CCSER1: variants seen among roughly 807,000 people sequenced by gnomAD.
The protein encoded by CCSER1 is coiled-coil serine rich protein 1.
CCSER1 carries 41 observed loss-of-function variants against 82.0 expected under a neutral mutation model. The ratio of observed to expected loss-of-function variants is 0.50; its 90% CI spans 0.39 to 0.65. The LOEUF is 0.65. Among genes scored for constraint, CCSER1 ranks in the 30% least tolerant of loss-of-function variants. CCSER1 has a pLI of 0.00. For synonymous variants in CCSER1, 414 were observed against 383.9 expected (o/e 1.08, Z -0.92); for missense variants, 1,119 against 1,064.2 (o/e 1.05, Z -0.72).
At chr4:90,482,065 T>C (rs1394589542) in intron 5 of CCSER1, among the ~76,000 whole-genome samples, 2 of 152,200 alleles carry the variant, frequency 1.3e-5, no homozygotes, top group East Asian at 1.9e-4. Context: ...TATTAGTCTA[T>C]TCAGAGATTC....
chr4:90,781,554 A>T, intron 7 of CCSER1: 1 of 979,140 alleles, frequency 1.0e-6, no homozygotes, highest in Non-Finnish European at 1.2e-6. Context: ...TAAAATATGA[A>T]ATACATAAAT....
At chr4:91,437,509 C>T (rs1236747620) in intron 10 of CCSER1, among the ~76,000 whole-genome samples, 1 of 152,206 alleles carries the variant, frequency 6.6e-6, no homozygotes, top group Admixed American at 6.5e-5. Flanking sequence ...GCCAAGATGG[C>T]CGAATAGGAA....
chr4:91,032,163 GTT>G (rs1390812775), intron 9 of CCSER1, among the ~76,000 whole-genome samples: 1 of 152,014 alleles, frequency 6.6e-6, no homozygotes, highest in Non-Finnish European at 1.5e-5. Context: ...ACTTCCATTA[GTT>G]CTCTTGCCTT....
chr4:91,028,427 T>G (rs1235253237), intron 9 of CCSER1, among the ~76,000 whole-genome samples: 1 of 151,970 alleles, frequency 6.6e-6, no homozygotes, highest in East Asian at 1.9e-4. Flanking sequence ...TGAATTAGCA[T>G]GTTTTACTAC....
chr4:90,511,428 G>A (rs2153617519), intron 5 of CCSER1, among the ~76,000 whole-genome samples: 1 of 152,186 alleles, frequency 6.6e-6, no homozygotes, highest in Non-Finnish European at 1.5e-5. Context: ...AAAAAAGAAA[G>A]AAGATAAAAA....
At chr4:90,779,344 T>G (rs1436778126) in intron 7 of CCSER1, among the ~76,000 whole-genome samples, 3 of 152,162 alleles carry the variant, frequency 2.0e-5, no homozygotes, top group Non-Finnish European at 4.4e-5. Flanking sequence ...ACATTACTTC[T>G]TCAAAAAAGA....
chr4:91,120,619 A>T (rs1581594715), intron 10 of CCSER1, among the ~76,000 whole-genome samples: 1 of 152,074 alleles, frequency 6.6e-6, no homozygotes, highest in East Asian at 1.9e-4. Context: ...TTCCTACTTA[A>T]TTCATGAGAG....
At chr4:90,853,407 T>G (rs1037711456) in intron 8 of CCSER1, among the ~76,000 whole-genome samples, 2 of 152,146 alleles carry the variant, frequency 1.3e-5, no homozygotes, top group Non-Finnish European at 2.9e-5. Context: ...TTTTAGTGAT[T>G]AATAAAAGTA....
At chr4:90,955,148 G>A (rs978082187) in intron 9 of CCSER1, among the ~76,000 whole-genome samples, 1 of 152,122 alleles carries the variant, frequency 6.6e-6, no homozygotes, top group Non-Finnish European at 1.5e-5. Flanking sequence ...TAAACTCAAG[G>A]AAGGCAGATT....
chr4:90,735,320 A>G (rs1263755354), intron 7 of CCSER1, among the ~76,000 whole-genome samples: 2 of 152,058 alleles, frequency 1.3e-5, no homozygotes, highest in African/African-American at 4.8e-5. Flanking sequence ...TTTGGTATCA[A>G]GGTAATATTG....
chr4:90,422,703 C>A (rs1368342672), intron 4 of CCSER1, among the ~76,000 whole-genome samples: 1 of 152,084 alleles, frequency 6.6e-6, no homozygotes, highest in African/African-American at 2.4e-5. Context: ...GATTCTTAAC[C>A]AAATTACCTA....
At chr4:90,866,957 C>A (rs1180350585) in intron 8 of CCSER1, among the ~76,000 whole-genome samples, 1 of 152,060 alleles carries the variant, frequency 6.6e-6, no homozygotes, top group African/African-American at 2.4e-5. Context: ...GCAGTAATAA[C>A]CCCTTGCCAA....
chr4:90,302,993 A>G (rs1321236011), intron 1 of CCSER1, among the ~76,000 whole-genome samples: 1 of 152,172 alleles, frequency 6.6e-6, no homozygotes, highest in Non-Finnish European at 1.5e-5. Context: ...CTTGACCTAT[A>G]GTCTATTTTC....
chr4:91,043,583 CTTTTTTTTTTTT>C (rs11364315), intron 9 of CCSER1, among the ~76,000 whole-genome samples: 5 of 71,606 alleles, frequency 7.0e-5, no homozygotes, highest in Middle Eastern at 9.8e-3. Context: ...CATCAGCCTT[CTTTTTTTTTTTT>C]TTTTTTTTTT....
intron 5 of CCSER1, among the ~76,000 whole-genome samples, chr4:90,492,603 G>A (rs1768230151): frequency 6.6e-6 from 1 of 152,072 alleles, no homozygotes; most frequent in Non-Finnish European, 1.5e-5. Context: ...TGCTTTAATT[G>A]TGATGTTAGG....
At chr4:90,687,228 C>A (rs1288462768) in intron 6 of CCSER1, among the ~76,000 whole-genome samples, 1 of 151,958 alleles carries the variant, frequency 6.6e-6, no homozygotes, top group Admixed American at 6.6e-5. Flanking sequence ...AAGTAGCTTA[C>A]TTTATTTTTT....
chr4:91,317,247 C>T (rs1178572299), intron 10 of CCSER1, among the ~76,000 whole-genome samples: 1 of 151,976 alleles, frequency 6.6e-6, no homozygotes, highest in Non-Finnish European at 1.5e-5. Context: ...TCTCTTCCTA[C>T]CAGTCTCTCA....
At chr4:91,389,425 A>G (rs1284445417) in intron 10 of CCSER1, among the ~76,000 whole-genome samples, 3 of 151,876 alleles carry the variant, frequency 2.0e-5, no homozygotes, top group African/African-American at 7.3e-5. Context: ...TTTCCATTCC[A>G]TTACCTATTT....
intron 1 of CCSER1, among the ~76,000 whole-genome samples, chr4:90,163,788 G>A (rs1161765323): frequency 6.6e-6 from 1 of 152,118 alleles, no homozygotes; most frequent in Admixed American, 6.6e-5. Flanking sequence ...AAGGTTGGAA[G>A]TACTACATTA....
Sources: gnomAD v4.1 joint callset for allele counts (sites outside exome capture counted in the v4.1 genomes callset) on GRCh38, gnomAD v4.1.1 for gene constraint, MANE v1.5 for transcripts, NCBI Gene and HGNC (gene_info 2026-07-23, HGNC 2026-07-21) for gene names.